CLSTN2: variants seen among roughly 807,000 people sequenced by gnomAD.
CLSTN2 encodes the protein calsyntenin-2.
In CLSTN2, 48 loss-of-function variants were observed where a neutral mutation model predicts 101.2. The ratio of observed to expected loss-of-function variants is 0.47; its 90% confidence interval spans 0.38 to 0.60. The LOEUF (loss-of-function observed/expected upper bound fraction) is 0.60, where lower values mean the gene tolerates loss of function less well. Ranked by LOEUF, CLSTN2 falls within the 20% of genes least tolerant of loss-of-function variation. CLSTN2 has a pLI of 0.00. For missense variants in CLSTN2, 1,160 were observed against 1,238.2 expected, an observed-to-expected ratio of 0.94 and a Z score of 0.95; for synonymous variants, 481 against 463.6, an observed-to-expected ratio of 1.04 and a Z score of -0.48.
At chr3:140,368,554 G>A (rs2087818649) in intron 2 of CLSTN2, among the ~76,000 whole-genome samples, 1 of 152,172 alleles carries the variant, frequency 6.6e-6, no homozygotes. Flanking sequence ...CTATGTCCCT[G>A]GTTCCTGCCC....
At position 140,421,106 on chromosome 3, in the gene CLSTN2, G is replaced by T; in HGVS notation, c.638-19G>T. On this transcript the variant is annotated intron_variant, in intron 4 of 16. Transcript: ENST00000458420. ...AGTTAAATTGACCTGAAATGCTTTT[G>T]AACATCTCTGTTCCTCAGGCAACAT... The T allele has an allele frequency of 1.2e-6, 2 of 1,611,040 alleles. No homozygotes were observed. The highest frequency in any genetic ancestry group is 2.2e-5 in the South Asian group (2 of 90,730).
At chr3:139,951,818 C>A (rs571037199) in intron 1 of CLSTN2, among the ~76,000 whole-genome samples, 2 of 152,142 alleles carry the variant, frequency 1.3e-5, no homozygotes, top group South Asian at 2.1e-4. Flanking sequence ...TAGACTCCAG[C>A]AAACTGGCTA....
At chr3:140,333,695 TGTG>T (rs2087411041) in intron 2 of CLSTN2, among the ~76,000 whole-genome samples, 1 of 151,926 alleles carries the variant, frequency 6.6e-6, no homozygotes, top group African/African-American at 2.4e-5. Flanking sequence ...TGTGTGTGTG[TGTG>T]TGTGTGTGTG....
intron 8 of CLSTN2, among the ~76,000 whole-genome samples, chr3:140,518,301 C>T (rs149924391): frequency 8.5e-5 from 13 of 152,330 alleles, no homozygotes; most frequent in Non-Finnish European, 1.9e-4. Context: ...TGTCTGCACT[C>T]CTGATTCACT....
chr3:140,410,048 T>C (rs1199323132), intron 4 of CLSTN2, among the ~76,000 whole-genome samples: 1 of 151,848 alleles, frequency 6.6e-6, no homozygotes, highest in Non-Finnish European at 1.5e-5. Flanking sequence ...GCCTACATAA[T>C]GTATGCAACA....
chr3:140,386,640 A>ATGCTG (rs369531023), intron 2 of CLSTN2, among the ~76,000 whole-genome samples: 3 of 151,900 alleles, frequency 2.0e-5, no homozygotes, highest in South Asian at 2.1e-4. Context: ...AAGCTGTGCC[A>ATGCTG]TGCTGTGCTG....
intron 2 of CLSTN2, among the ~76,000 whole-genome samples, chr3:140,281,763 C>CGAGAGAGA (rs10548653): frequency 4.0e-5 from 6 of 150,878 alleles, no homozygotes; most frequent in African/African-American, 1.5e-4. Flanking sequence ...AGAGAGAGAG[C>CGAGAGAGA]GAGAGAGAGA....
chr3:140,468,975 T>C (rs1320562506), intron 8 of CLSTN2, among the ~76,000 whole-genome samples: 1 of 152,164 alleles, frequency 6.6e-6, no homozygotes, highest in Non-Finnish European at 1.5e-5. Context: ...TGGTAGGAAG[T>C]ACAAGATCAA....
At chr3:139,980,394 A>C (rs1935893475) in intron 1 of CLSTN2, among the ~76,000 whole-genome samples, 2 of 152,118 alleles carry the variant, frequency 1.3e-5, no homozygotes, top group South Asian at 2.1e-4. Flanking sequence ...CTTTCACTTC[A>C]TTTAAGTCTC....
chr3:140,032,238 CTTTTT>C (rs62708360), intron 1 of CLSTN2, among the ~76,000 whole-genome samples: 1 of 143,402 alleles, frequency 7.0e-6, no homozygotes, highest in African/African-American at 2.6e-5. Flanking sequence ...CACATGTAAC[CTTTTT>C]TTTTTTTTGA....
At chr3:140,207,790 G>GA (rs974046625) in intron 2 of CLSTN2, among the ~76,000 whole-genome samples, 10 of 151,700 alleles carry the variant, frequency 6.6e-5, no homozygotes, top group East Asian at 1.9e-4. Flanking sequence ...AACTGGTTCT[G>GA]AAAAAAAACT....
chr3:140,060,879 G>A (rs1467601198), intron 1 of CLSTN2, among the ~76,000 whole-genome samples: 1 of 152,142 alleles, frequency 6.6e-6, no homozygotes, highest in African/African-American at 2.4e-5. Flanking sequence ...ATCTCTTAGG[G>A]TCAGATCTTG....
Position 140,477,834 on chromosome 3 carries a change from A to G in CLSTN2, c.1344+11103A>G, listed in dbSNP as rs559012247. On this transcript the variant is annotated intron_variant, in intron 8 of 16. Transcript: ENST00000458420. ...ATAGTTTGCTACAGTGCAATCCCCA[A>G]TGGCACTGGCAGACTGGAAAATACT... Among the ~76,000 whole-genome samples the G allele has an allele frequency of 3.3e-4, 50 of 152,358 alleles. 1 individual carries two copies. The South Asian group carries it at 7.9e-3, about 24-fold the overall frequency.
At chr3:140,453,285 T>G (rs2108012082) in intron 6 of CLSTN2, 1 of 152,230 alleles carries the variant, frequency 6.6e-6, no homozygotes, top group South Asian at 2.1e-4. Context: ...CAGGTCCTGT[T>G]GAACAAAAGA....
At chr3:140,374,465 G>T (rs1333194152) in intron 2 of CLSTN2, among the ~76,000 whole-genome samples, 2 of 151,744 alleles carry the variant, frequency 1.3e-5, no homozygotes, top group Admixed American at 6.6e-5. Flanking sequence ...CTATTCTTTG[G>T]GTATGTTTAT....
intron 1 of CLSTN2, among the ~76,000 whole-genome samples, chr3:140,061,923 A>T (rs961502199): frequency 6.6e-6 from 1 of 152,240 alleles, no homozygotes; most frequent in Non-Finnish European, 1.5e-5. Flanking sequence ...CTGATCACAC[A>T]GTATTTAAAA....
intron 1 of CLSTN2, among the ~76,000 whole-genome samples, chr3:140,108,175 A>G (rs1245805715): frequency 1.3e-5 from 2 of 152,172 alleles, no homozygotes; most frequent in Non-Finnish European, 2.9e-5. Flanking sequence ...ATACAGGTAG[A>G]ACCACCATAT....
chr3:140,023,252 C>T (rs1269207678), intron 1 of CLSTN2, among the ~76,000 whole-genome samples: 1 of 152,148 alleles, frequency 6.6e-6, no homozygotes, highest in Admixed American at 6.5e-5. Flanking sequence ...GCTGCTGCTG[C>T]ATCCTGCCCT....
intron 2 of CLSTN2, among the ~76,000 whole-genome samples, chr3:140,295,035 A>G (rs2086989841): frequency 6.6e-6 from 1 of 152,084 alleles, no homozygotes; most frequent in South Asian, 2.1e-4. Flanking sequence ...TTCAACATAC[A>G]CATTTGGGGT....
Sources: gnomAD v4.1 joint callset for allele counts (sites outside exome capture counted in the v4.1 genomes callset) on GRCh38, gnomAD v4.1.1 for gene constraint, MANE v1.5 for transcripts, NCBI Gene and HGNC (gene_info 2026-07-23, HGNC 2026-07-21) for gene names.